The following LHFPL4 variants were observed in gnomAD, a reference collection of about 807,000 sequenced individuals.
The protein encoded by LHFPL4 is LHFPL tetraspan subfamily member 4 protein.
In LHFPL4, 6 loss-of-function variants were observed where a neutral mutation model predicts 20.0. That is an observed-to-expected ratio of 0.30 (90% confidence interval 0.16 to 0.59). The LOEUF (loss-of-function observed/expected upper bound fraction) is 0.59, where lower values mean the gene tolerates loss of function less well. Ranked by LOEUF, LHFPL4 falls within the 20% of genes least tolerant of loss-of-function variation. The pLI is 0.88. For synonymous variants in LHFPL4, 129 were observed against 143.8 expected (o/e 0.90, Z 0.74); for missense variants, 215 against 331.2 (o/e 0.65, Z 2.72).
At chr3:9,509,415 C>G (rs890214282) in intron 2 of LHFPL4, among the ~76,000 whole-genome samples, 3 of 152,152 alleles carry the variant, frequency 2.0e-5, no homozygotes, top group African/African-American at 7.2e-5. Flanking sequence ...CCCTTATCCT[C>G]TCTTTTTGCC....
chr3:9,504,092 C>T (rs1034467197), intron 3 of LHFPL4, among the ~76,000 whole-genome samples: 5 of 152,104 alleles, frequency 3.3e-5, no homozygotes, highest in Admixed American at 1.3e-4. Flanking sequence ...ATAACTCAGC[C>T]GGGTGTGCTG....
chr3:9,528,552 C>A (rs2046389191), intron 2 of LHFPL4, among the ~76,000 whole-genome samples: 1 of 152,226 alleles, frequency 6.6e-6, no homozygotes. Context: ...GAATTAACCT[C>A]TTTCAAACTC....
Position 9,511,006 on chromosome 3 carries a change from G to A in LHFPL4, c.407-4803C>T, listed in dbSNP as rs148711325. Among the ~76,000 whole-genome samples, 964 of 151,896 alleles carry A rather than the reference G, an allele frequency of 6.3e-3. 15 individuals carry two copies. Among genetic ancestry groups the A allele is most frequent in the South Asian group, 0.061 (291 of 4,802 alleles). ...AGCAGTGATGAGTGCTTAACTATGT[G>A]CCAGAGTGCTAAGTTTCTGACTTTC... On this transcript the variant is annotated intron_variant, in intron 2 of 3. Transcript: ENST00000287585.
intron 2 of LHFPL4, among the ~76,000 whole-genome samples, chr3:9,546,128 A>G (rs577127772): frequency 6.6e-6 from 1 of 152,120 alleles, no homozygotes; most frequent in Admixed American, 6.6e-5. Context: ...AGCCTGGCCA[A>G]CATGGTGAAA....
intron 2 of LHFPL4, among the ~76,000 whole-genome samples, chr3:9,551,499 C>G (rs2046553807): frequency 6.6e-6 from 1 of 152,206 alleles, no homozygotes; most frequent in Non-Finnish European, 1.5e-5. Context: ...CTCAGCATTT[C>G]TCATTCCCAA....
intron 2 of LHFPL4, among the ~76,000 whole-genome samples, chr3:9,549,723 T>C (rs2046540955): frequency 6.6e-6 from 1 of 151,944 alleles, no homozygotes; most frequent in Non-Finnish European, 1.5e-5. Flanking sequence ...AGTTAACAGG[T>C]ACAAAATCAT....
intron 2 of LHFPL4, among the ~76,000 whole-genome samples, chr3:9,544,949 A>G (rs79335238): frequency 6.6e-6 from 1 of 152,122 alleles, no homozygotes; most frequent in African/African-American, 2.4e-5. Flanking sequence ...CATGTATTGT[A>G]CCATATTGTG....
chr3:9,545,493 T>G (rs192323821), intron 2 of LHFPL4, among the ~76,000 whole-genome samples: 1 of 152,022 alleles, frequency 6.6e-6, no homozygotes, highest in Non-Finnish European at 1.5e-5. Context: ...CTGGGAAACA[T>G]AGTGAGACCC....
At chr3:9,517,387 C>T (rs1003902952) in intron 2 of LHFPL4, among the ~76,000 whole-genome samples, 1 of 151,944 alleles carries the variant, frequency 6.6e-6, no homozygotes, top group African/African-American at 2.4e-5. Flanking sequence ...ATTTCTTTCA[C>T]TAGAGTTTGG....
In LHFPL4 at chr3:9,501,950, A is replaced by G. The variant is rs1225576184; in HGVS notation, c.*261T>C. The G allele has an allele frequency of 3.9e-6, 2 of 507,746 alleles. No individual in the cohort carries two copies. The highest frequency in any genetic ancestry group is 7.2e-6 in the Non-Finnish European group (2 of 279,572). The allele number at this position is 507,746 out of a possible 1,614,324, so 31.5% of individuals were successfully genotyped here. On this transcript the variant is annotated 3_prime_UTR_variant, in exon 4 of 4. Transcript: ENST00000287585. The stretch of plus-strand genomic sequence containing the variant: ...GTCTAGAGAGGAGAGGAGAAGCCCA[A>G]GGGCCTACGCAGATGCAGGCTCCCT...
At chr3:9,517,944 C>T (rs544608029) in intron 2 of LHFPL4, among the ~76,000 whole-genome samples, 25 of 151,958 alleles carry the variant, frequency 1.6e-4, no homozygotes, top group Non-Finnish European at 2.5e-4. Context: ...GCATTAAGGA[C>T]TTTCAGCATG....
chr3:9,513,457 A>G (rs1486177689), intron 2 of LHFPL4, among the ~76,000 whole-genome samples: 1 of 152,008 alleles, frequency 6.6e-6, no homozygotes, highest in Non-Finnish European at 1.5e-5. Context: ...TCAGCTTCCC[A>G]AGTAGCTGGG....
chr3:9,502,106 A>G lies in LHFPL4; in HGVS notation c.*105T>C. 1.2e-6 allele frequency: 1 copy of G among 806,552 alleles called. No homozygotes were observed. Among genetic ancestry groups the G allele is most frequent in the Non-Finnish European group, 2.1e-6 (1 of 471,128 alleles). 50.0% of individuals were successfully genotyped at this position (806,552 alleles called of 1,614,324 possible). On this transcript the variant is annotated 3_prime_UTR_variant, in exon 4 of 4. Transcript: ENST00000287585. ...CTTGCAGGGTAGTCGGTGAGAAGTAAGTCTGAGATCAGGGTCTTCCCTCAG... is the reference window on the plus strand; with the variant it reads ...CTTGCAGGGTAGTCGGTGAGAAGTAGGTCTGAGATCAGGGTCTTCCCTCAG...
chr3:9,505,464 T>C (rs756020486), intron 3 of LHFPL4, among the ~76,000 whole-genome samples: 2 of 151,956 alleles, frequency 1.3e-5, no homozygotes, highest in Non-Finnish European at 2.9e-5. Flanking sequence ...TTTTTTGTTT[T>C]TTTGTTTTTG....
chr3:9,532,423 C>G (rs965555176), intron 2 of LHFPL4, among the ~76,000 whole-genome samples: 43 of 152,278 alleles, frequency 2.8e-4, no homozygotes, highest in African/African-American at 1.0e-3. Flanking sequence ...TCACTGCAGC[C>G]TCAAACAACT....
intron 2 of LHFPL4, among the ~76,000 whole-genome samples, chr3:9,540,634 C>T (rs1295743044): frequency 6.6e-6 from 1 of 152,084 alleles, no homozygotes; most frequent in Non-Finnish European, 1.5e-5. Flanking sequence ...TGGCTCATGC[C>T]TGTCATCCCA....
At chr3:9,537,769 G>A (rs1208061454) in intron 2 of LHFPL4, among the ~76,000 whole-genome samples, 1 of 151,988 alleles carries the variant, frequency 6.6e-6, no homozygotes, top group Non-Finnish European at 1.5e-5. Context: ...CGCCCCTTAA[G>A]GTTGCTGTTC....
At chr3:9,513,775 G>A (rs934090888) in intron 2 of LHFPL4, among the ~76,000 whole-genome samples, 1 of 152,146 alleles carries the variant, frequency 6.6e-6, no homozygotes, top group Non-Finnish European at 1.5e-5. Context: ...GCGTCACTGG[G>A]CAAGTCCCTT....
At chr3:9,547,018 T>A (rs1481869547) in intron 2 of LHFPL4, among the ~76,000 whole-genome samples, 1 of 152,240 alleles carries the variant, frequency 6.6e-6, no homozygotes, top group Non-Finnish European at 1.5e-5. Context: ...AGACACGGTC[T>A]GGCTCTGTTG....
Sources: gnomAD v4.1 joint callset for allele counts (sites outside exome capture counted in the v4.1 genomes callset) on GRCh38, gnomAD v4.1.1 for gene constraint, MANE v1.5 for transcripts, NCBI Gene and HGNC (gene_info 2026-07-23, HGNC 2026-07-21) for gene names.